Variants in NOTCH1 observed in about 807,000 individuals in gnomAD.
NOTCH1 encodes neurogenic locus notch homolog protein 1.
NOTCH1 carries 37 observed loss-of-function variants against 254.8 expected under a neutral mutation model. The observed-to-expected ratio is 0.15, with a 90% CI of 0.11 to 0.19. NOTCH1 has a LOEUF of 0.19. Among genes scored for constraint, NOTCH1 ranks in the 10% least tolerant of loss-of-function variants. The probability of loss-of-function intolerance (pLI) is 1.00; values close to 1 mark genes in which losing one functional copy is unlikely to be tolerated. For synonymous variants in NOTCH1, 1,731 were observed against 1,618.1 expected (o/e 1.07, Z -1.68); for missense variants, 2,972 against 3,708.6 (o/e 0.80, Z 5.16).
chr9:136,510,898 G>C, intron 16 of NOTCH1, 93 bp from the exon 17 acceptor site: 1 of 1,552,314 alleles, frequency 6.4e-7, no homozygotes, highest in Non-Finnish European at 8.8e-7. Flanking sequence ...TGCCTCTCCC[G>C]ACCCAGGAGT....
chr9:136,499,397 C>G (rs1232940156), intron 31 of NOTCH1, 138 bp from the exon 32 acceptor site: 2 of 1,288,180 alleles, frequency 1.6e-6, no homozygotes, highest in Non-Finnish European at 2.1e-6. Flanking sequence ...CACGGCCGGG[C>G]AAGACGAAAC....
rs909951118 is a variant in NOTCH1, at chr9:136,540,534, G to A, written c.140+3490C>T. On this transcript the variant is annotated intron_variant, in intron 2 of 33. Transcript: ENST00000651671. This position sits in a 1 kb window ranked among gnomAD's most constrained non-coding sequence, Gnocchi z 4.4. ...CACTGTCAGCCAACGGGGAGAAGGC[G>A]GGGAAGAAAGGAGCGCTGACCAGGT... Among the ~76,000 whole-genome samples, 3 of 152,176 alleles carry A rather than the reference G, an allele frequency of 2.0e-5. No homozygotes were observed. The highest frequency in any genetic ancestry group is 4.4e-5 in the Non-Finnish European group (3 of 68,032).
At position 136,498,739 on chromosome 9, in the gene NOTCH1, G is replaced by A. The variant is rs548324452; in HGVS notation, c.6180+160C>T. Among the ~76,000 whole-genome samples the A allele has an allele frequency of 5.9e-5, 9 of 152,302 alleles. No individual in the cohort carries two copies. The South Asian group carries it at 6.2e-4, about 11-fold the overall frequency. ...GCTGAAGGAAGGCAGGAGCACTAAC[G>A]AGGTGCCCGCATCATGCGGGTGGGG... On this transcript the variant is annotated intron_variant, in intron 33 of 33. Transcript: ENST00000651671.
Position 136,498,350 on chromosome 9 carries a change from G to A in NOTCH1, c.6180+549C>T, listed in dbSNP as rs117581459. Among the ~76,000 whole-genome samples, 731 of 152,194 alleles carry A rather than the reference G, an allele frequency of 4.8e-3. 15 individuals are homozygous for A. In the East Asian group the frequency reaches 0.072, roughly 15 times the overall value. On this transcript the variant is annotated intron_variant, in intron 33 of 33. Transcript: ENST00000651671. ...GGGCCAGGAGCTGCAGGGCCAGGATGAGGGCTGGGGGTGGCTCCCCTTGGA... is the reference window on the plus strand; with the variant it reads ...GGGCCAGGAGCTGCAGGGCCAGGATAAGGGCTGGGGGTGGCTCCCCTTGGA...
Position 136,509,726 on chromosome 9 carries a change from C to T in NOTCH1, c.2969+7G>A, listed in dbSNP as rs770026189. The T allele has an allele frequency of 7.4e-6, 12 of 1,610,912 alleles. No individual in the cohort carries two copies. Among genetic ancestry groups the T allele is most frequent in the South Asian group, 4.4e-5 (4 of 91,048 alleles). On this transcript the variant is annotated splice_region_variant and intron_variant, in intron 18 of 33. Coordinates refer to ENST00000651671, the MANE Select transcript of NOTCH1 (RefSeq NM_017617.5). ...CCCTTCCACGGCCTCACTCGAGCCC[C>T]GCACACCTCTCTGTGCAGTCAGGCG...
chr9:136,531,702 C>T (rs1269366487), intron 2 of NOTCH1, among the ~76,000 whole-genome samples: 1 of 152,348 alleles, frequency 6.6e-6, no homozygotes, highest in African/African-American at 2.4e-5. Flanking sequence ...GGGACGAAGC[C>T]GAAGCCCACG....
intron 15 of NOTCH1, 51 bp from the exon 16 acceptor site, chr9:136,511,322 C>G: frequency 6.4e-7 from 1 of 1,561,038 alleles, no homozygotes; most frequent in South Asian, 1.1e-5. Context: ...AGAGGGATCT[C>G]CCAAATCGGC....
At chr9:136,514,400 C>G in intron 13 of NOTCH1, 110 bp downstream of exon 13, 1 of 1,251,992 alleles carries the variant, frequency 8.0e-7, no homozygotes, top group South Asian at 1.3e-5. Context: ...CAGCCCCGTC[C>G]GAGGCCCGTT....
At chr9:136,512,987 GC>G (rs771304460) in intron 15 of NOTCH1, 33 bp downstream of exon 15, 2 of 362,652 alleles carry the variant, frequency 5.5e-6, no homozygotes, top group Non-Finnish European at 1.0e-5. Flanking sequence ...CATAGGCCCC[GC>G]CCCCTCCAGC....
intron 9 of NOTCH1, among the ~76,000 whole-genome samples, 178 bp from the exon 10 acceptor site, chr9:136,516,272 C>T (rs1463638572): frequency 6.6e-6 from 1 of 152,208 alleles, no homozygotes; most frequent in African/African-American, 2.4e-5. Flanking sequence ...GATCAAAGCC[C>T]CTCCCCCAGC....
At position 136,506,580 on chromosome 9, in the gene NOTCH1, T is replaced by G. The variant is rs2133342574; in HGVS notation, c.3961A>C (p.Thr1321Pro). Residue 1321 changes from threonine to proline, a missense_variant, in exon 24 of 34, where the codon ACC becomes CCC. By Grantham distance (38) the Thr-to-Pro change is conservative. Transcript: ENST00000651671. The surrounding 1 kb of genome is among the most constrained non-coding windows in gnomAD (Gnocchi z 4.5). ...GCGGTGTTGGAGGCCACGGCGCAGG[T>G]GCCCCCATTCTTGCAGGGCTTGCCT... ...CKGKPCKNGG[T>P]CAVASNTARG... is the part of the protein sequence containing the mutation. 1.9e-6 allele frequency: 3 copies of G among 1,610,852 alleles called. No homozygotes were observed. Among genetic ancestry groups the G allele is most frequent in the South Asian group, 2.2e-5 (2 of 90,738 alleles).
intron 2 of NOTCH1, among the ~76,000 whole-genome samples, chr9:136,535,310 G>T (rs901139150): frequency 6.6e-6 from 1 of 152,036 alleles, no homozygotes; most frequent in Non-Finnish European, 1.5e-5. Flanking sequence ...TAGGCAGGGC[G>T]TGCGGAGAGG....
chr9:136,534,141 C>T (rs374441158), intron 2 of NOTCH1, among the ~76,000 whole-genome samples: 4 of 152,174 alleles, frequency 2.6e-5, no homozygotes, highest in Admixed American at 6.5e-5. Context: ...TTCTCAAACC[C>T]GGTGCATCCT....
rs571364384 is a variant in NOTCH1 at position 136,495,790 on chromosome 9, G to A, written c.*281C>T. ...ACACAGAAGAATCTTTTCATCCTAC[G>A]TAGGAAAACCCTGGCTCTCAGAACT... On this transcript the variant is annotated 3_prime_UTR_variant, in exon 34 of 34. Coordinates refer to ENST00000651671, the MANE Select transcript of NOTCH1 (RefSeq NM_017617.5). 3 of 423,718 alleles carry A rather than the reference G, an allele frequency of 7.1e-6. No individual in the cohort carries two copies. Among genetic ancestry groups the A allele is most frequent in the Non-Finnish European group, 1.3e-5 (3 of 238,714 alleles). 26.2% of individuals were successfully genotyped at this position (423,718 alleles called of 1,614,324 possible). A position where few individuals can be genotyped will look rare whatever the true frequency, so the allele number is the denominator to read the frequency against.
At position 136,506,948 on chromosome 9, in the gene NOTCH1, G is replaced by A. The variant is rs781546439; in HGVS notation, c.3669C>T (p.Asp1223=). 21 of 1,609,782 alleles carry A rather than the reference G, an allele frequency of 1.3e-5. No homozygotes were observed. The highest frequency in any genetic ancestry group is 2.7e-5 in the African/African-American group (2 of 74,818). ...CGGGGTCAACGGGGGGATTGCAGTC[G>A]TCCACGTTGATCTCACAGTGCACAC... ...TQGVHCEINV[D]DCNPPVDPVS... is the part of the protein sequence containing the mutation. Residue 1223 remains aspartate, a synonymous_variant, in exon 23 of 34, where the codon GAC becomes GAT. Coordinates refer to ENST00000651671, the MANE Select transcript of NOTCH1 (RefSeq NM_017617.5). This position sits in a 1 kb window ranked among gnomAD's most constrained non-coding sequence, Gnocchi z 4.5.
rs1246392804 is a variant in NOTCH1, at chr9:136,515,276, G to C, written c.2014+14C>G. 5.6e-6 allele frequency: 9 copies of C among 1,610,006 alleles called. No homozygotes were observed. The highest frequency in any genetic ancestry group is 7.6e-6 in the Non-Finnish European group (9 of 1,177,704). On this transcript the variant is annotated intron_variant, in intron 12 of 33. Coordinates refer to ENST00000651671, the MANE Select transcript of NOTCH1 (RefSeq NM_017617.5). ...AGCACAGTGCAGTCAGCCCCCACGT[G>C]CAGGGCCGCTCACCTGTGTAGCCCG...
chr9:136,512,985 C>A (rs756190166), intron 15 of NOTCH1, 36 bp downstream of exon 15: 1 of 792,216 alleles, frequency 1.3e-6, no homozygotes, highest in Non-Finnish European at 2.1e-6. Flanking sequence ...CACATAGGCC[C>A]CGCCCCCTCC....
chr9:136,539,503 CT>C (rs1338378937), intron 2 of NOTCH1, among the ~76,000 whole-genome samples: 33 of 152,324 alleles, frequency 2.2e-4, no homozygotes, highest in African/African-American at 6.5e-4. Context: ...ATCCTCCTGC[CT>C]CAGCTTCCCA....
At chr9:136,503,428 C>T in intron 26 of NOTCH1, 98 bp from the exon 27 acceptor site, 1 of 1,576,908 alleles carries the variant, frequency 6.3e-7, no homozygotes, top group Non-Finnish European at 8.7e-7. Flanking sequence ...CCCATGACGC[C>T]ACAGTCAGGA....
Sources: gnomAD v4.1 joint callset for allele counts (sites outside exome capture counted in the v4.1 genomes callset) on GRCh38, gnomAD v4.1.1 for gene constraint, Gnocchi (gnomAD v3.1) non-coding constraint, MANE v1.5 for transcripts, NCBI Gene and HGNC (gene_info 2026-07-23, HGNC 2026-07-21) for gene names.